CPB2: variants seen among roughly 807,000 people sequenced by gnomAD.
CPB2 encodes the protein carboxypeptidase B-like protein.
In CPB2, 54 loss-of-function variants were observed where a neutral mutation model predicts 57.0. The ratio of observed to expected loss-of-function variants is 0.95; its 90% CI spans 0.76 to 1.19. CPB2 has a LOEUF of 1.19. CPB2 is among the 50% of genes most tolerant of loss of function. The pLI is 0.00. For synonymous variants in CPB2, 189 were observed against 178.1 expected (o/e 1.06, Z -0.49); for missense variants, 426 against 512.0 (o/e 0.83, Z 1.62).
chr13:46,053,439 C>T lies in CPB2; in HGVS notation c.*175G>A, dbSNP rs959876450. The T allele has an allele frequency of 1.6e-5, 14 of 890,992 alleles. No individual in the cohort carries two copies. The East Asian group carries it at 2.2e-4, about 14-fold the overall frequency. The allele number at this position is 890,992 out of a possible 1,614,324, so 55.2% of individuals were successfully genotyped here. ...TTTTAAAGGGTAAAAAGACATGAACCCTAGTCTGCCTTAATGGCAAAGTAG... is the reference window on the plus strand; with the variant it reads ...TTTTAAAGGGTAAAAAGACATGAACTCTAGTCTGCCTTAATGGCAAAGTAG... On this transcript the variant is annotated 3_prime_UTR_variant, in exon 11 of 11. Coordinates refer to ENST00000181383, the MANE Select transcript of CPB2 (RefSeq NM_001872.5).
intron 7 of CPB2, among the ~76,000 whole-genome samples, chr13:46,066,580 C>G (rs1050084375): frequency 9.2e-5 from 14 of 152,142 alleles, no homozygotes; most frequent in African/African-American, 3.4e-4. Flanking sequence ...CGAGGTGGCT[C>G]ATGCCTGTAA....
At chr13:46,091,684 C>T (rs1345872210) in intron 1 of CPB2, among the ~76,000 whole-genome samples, 1 of 152,140 alleles carries the variant, frequency 6.6e-6, no homozygotes, top group East Asian at 1.9e-4. Context: ...CTCACTTTTG[C>T]TTTGTTGTAT....
intron 1 of CPB2, among the ~76,000 whole-genome samples, chr13:46,102,183 C>G (rs1161476200): frequency 6.6e-6 from 1 of 152,194 alleles, no homozygotes; most frequent in African/African-American, 2.4e-5. Flanking sequence ...ATCCTCAACC[C>G]TCCTCCACTC....
intron 10 of CPB2, among the ~76,000 whole-genome samples, chr13:46,055,110 C>T (rs938848217): frequency 6.7e-6 from 1 of 149,580 alleles, no homozygotes; most frequent in Non-Finnish European, 1.5e-5. Context: ...TGGATTTGGC[C>T]TTCAGGCTGT....
intron 6 of CPB2, among the ~76,000 whole-genome samples, chr13:46,071,692 T>C (rs2044945106): frequency 6.6e-6 from 1 of 152,202 alleles, no homozygotes; most frequent in East Asian, 1.9e-4. Flanking sequence ...AAGAGAAGGA[T>C]CATTGGTAGT....
In CPB2 at chr13:46,104,927, T is replaced by C. The variant is rs2045475490; in HGVS notation, c.74+9A>G. The C allele has an allele frequency of 3.7e-6, 6 of 1,613,860 alleles. No individual in the cohort carries two copies. Among genetic ancestry groups the C allele is most frequent in the South Asian group, 1.1e-5 (1 of 91,078 alleles). On this transcript the variant is annotated intron_variant, in intron 1 of 10. Transcript: ENST00000181383. ...TGGCCCACCACAGTCTAAGATTCTA[T>C]TGGGTTACCTCTGAAACGCGAAGAC...
At chr13:46,057,290 A>C (rs757428900) in intron 9 of CPB2, among the ~76,000 whole-genome samples, 34 of 152,340 alleles carry the variant, frequency 2.2e-4, no homozygotes, top group Admixed American at 7.2e-4. Flanking sequence ...CTCAAGTATC[A>C]AGTACATTTA....
Position 46,089,172 on chromosome 13 carries a change from G to A in CPB2, c.75-1352C>T, listed in dbSNP as rs141445980. On this transcript the variant is annotated intron_variant, in intron 1 of 10. Coordinates refer to ENST00000181383, the MANE Select transcript of CPB2 (RefSeq NM_001872.5). The stretch of plus-strand genomic sequence containing the variant: ...CTTCTTTTTTTTTCTTCTTAGCATC[G>A]TTTATTATTATGATTTTTTACATCA... 6.6e-3 allele frequency among the ~76,000 whole-genome samples: 1,003 copies of A among 151,332 alleles called. 11 individuals carry two copies. Among genetic ancestry groups the A allele is most frequent in the Middle Eastern group, 0.02 (6 of 294 alleles).
chr13:46,080,029 A>G (rs1483947999), intron 4 of CPB2, among the ~76,000 whole-genome samples: 1 of 152,248 alleles, frequency 6.6e-6, no homozygotes, highest in Non-Finnish European at 1.5e-5. Context: ...AGCTACCACA[A>G]AAAAATAATT....
intron 8 of CPB2, among the ~76,000 whole-genome samples, chr13:46,063,960 A>G (rs1362829046): frequency 6.6e-6 from 1 of 152,032 alleles, no homozygotes; most frequent in Non-Finnish European, 1.5e-5. Flanking sequence ...TTACTTGTGC[A>G]ATTAAAAATG....
At chr13:46,095,876 CTT>C (rs34686626) in intron 1 of CPB2, among the ~76,000 whole-genome samples, 3 of 85,746 alleles carry the variant, frequency 3.5e-5, no homozygotes, top group East Asian at 2.8e-4. Flanking sequence ...GGCTATAGGA[CTT>C]TTTTTTTTTT....
chr13:46,074,340 G>A (rs2044988935), intron 5 of CPB2, among the ~76,000 whole-genome samples: 1 of 152,172 alleles, frequency 6.6e-6, no homozygotes, highest in Non-Finnish European at 1.5e-5. Flanking sequence ...GAGGTAAATG[G>A]GTGTGAGTTG....
chr13:46,093,787 G>C (rs2045328112), intron 1 of CPB2, among the ~76,000 whole-genome samples: 1 of 152,110 alleles, frequency 6.6e-6, no homozygotes. Flanking sequence ...GAACAAATGA[G>C]ATTCTTTTTA....
intron 1 of CPB2, among the ~76,000 whole-genome samples, chr13:46,102,555 A>AAAC (rs1555312038): frequency 6.8e-6 from 1 of 148,094 alleles, no homozygotes; most frequent in Non-Finnish European, 1.5e-5. Flanking sequence ...AAAAAAAAAA[A>AAAC]AACAAAGAAC....
chr13:46,062,032 T>G (rs1383142856), intron 8 of CPB2, among the ~76,000 whole-genome samples: 1 of 151,532 alleles, frequency 6.6e-6, no homozygotes, highest in Non-Finnish European at 1.5e-5. Context: ...TTGGTTTTTT[T>G]TTTTTTTTTT....
chr13:46,067,561 G>T, intron 6 of CPB2, 144 bp from the exon 7 acceptor site: 2 of 565,270 alleles, frequency 3.5e-6, no homozygotes, highest in Admixed American at 3.2e-5. Context: ...TTCCTCAAAA[G>T]AACTGAACTT....
intron 6 of CPB2, among the ~76,000 whole-genome samples, chr13:46,069,093 T>C (rs961057218): frequency 6.6e-5 from 10 of 152,210 alleles, no homozygotes; most frequent in African/African-American, 2.4e-4. Context: ...TTAAATTTCC[T>C]TCCTACCTTT....
At position 46,058,292 on chromosome 13, in the gene CPB2, AG is replaced by A; in HGVS notation, c.885del (p.Leu296Ter). ...TTAATCTGGTTGATATTTCTTCTCA[AG>A]AAACTAGCCACTGCCTTCACTTCTG... ...SEPEVKAVAS[F>X]LRRNINQIKA... On this transcript the variant is annotated frameshift_variant, in exon 9 of 11. Coordinates refer to ENST00000181383, the MANE Select transcript of CPB2 (RefSeq NM_001872.5). LOFTEE classifies it high-confidence loss of function. The A allele has an allele frequency of 1.2e-6, 2 of 1,614,150 alleles. No homozygotes were observed. Among genetic ancestry groups the A allele is most frequent in the East Asian group, 2.2e-5 (1 of 44,882 alleles).
chr13:46,065,545 T>C (rs1319380630), intron 7 of CPB2, among the ~76,000 whole-genome samples: 4 of 139,812 alleles, frequency 2.9e-5, no homozygotes, highest in African/African-American at 1.1e-4. Flanking sequence ...GAGAATGGCA[T>C]GAACCTGGGA....
Sources: allele counts gnomAD v4.1 joint callset (sites outside exome capture counted in the v4.1 genomes callset), GRCh38; gene constraint gnomAD v4.1.1; transcripts MANE v1.5; gene names NCBI Gene and HGNC (gene_info 2026-07-23, HGNC 2026-07-21).